The following ZC3H12B variants were observed in gnomAD, a reference collection of about 807,000 sequenced individuals.
ZC3H12B encodes probable ribonuclease ZC3H12B.
A neutral mutation model predicts 43.9 loss-of-function variants in ZC3H12B; 7 were observed. The ratio of observed to expected loss-of-function variants is 0.16; its 90% CI spans 0.09 to 0.30. The LOEUF (loss-of-function observed/expected upper bound fraction) is 0.30. Ranked by LOEUF, ZC3H12B falls within the 10% of genes least tolerant of loss-of-function variation. ZC3H12B has a pLI of 1.00. For synonymous variants in ZC3H12B, 222 were observed against 241.7 expected (o/e 0.92, Z 0.76); for missense variants, 475 against 670.2 (o/e 0.71, Z 3.22).
chrX:65,071,554 T>C, the ZC3H12B span, among the ~76,000 whole-genome samples: 1 of 111,752 alleles, frequency 8.9e-6, no homozygotes, highest in Non-Finnish European at 1.9e-5. Context: ...GTCACTGGTC[T>C]ATGTACTTAA....
the ZC3H12B span, among the ~76,000 whole-genome samples, chrX:65,098,533 C>T: frequency 9.1e-6 from 1 of 109,599 alleles, no homozygotes; most frequent in African/African-American, 3.3e-5. Flanking sequence ...TTCTGCATTT[C>T]CAACTGACGT....
At chrX:65,119,464 G>A in the ZC3H12B span, among the ~76,000 whole-genome samples, 16 of 111,906 alleles carry the variant, frequency 1.4e-4, no homozygotes, top group South Asian at 7.4e-4. Flanking sequence ...AGAAGTGTCC[G>A]TTCATATCCT....
chrX:65,227,182 C>G, the ZC3H12B span, among the ~76,000 whole-genome samples: 1 of 111,781 alleles, frequency 8.9e-6, no homozygotes, highest in African/African-American at 3.3e-5. Flanking sequence ...AACAAAGTGT[C>G]TCTCAGACCA....
At chrX:65,245,283 T>C in the ZC3H12B span, among the ~76,000 whole-genome samples, 1 of 111,528 alleles carries the variant, frequency 9.0e-6, no homozygotes, top group African/African-American at 3.3e-5. Context: ...CCCAGGACCA[T>C]TCCTACTGAA....
At chrX:65,224,029 T>C in the ZC3H12B span, among the ~76,000 whole-genome samples, 1 of 112,056 alleles carries the variant, frequency 8.9e-6, no homozygotes, top group Non-Finnish European at 1.9e-5. Flanking sequence ...CAATTCACAA[T>C]TGCAAAAATA....
At chrX:65,178,797 T>A in the ZC3H12B span, among the ~76,000 whole-genome samples, 3 of 112,106 alleles carry the variant, frequency 2.7e-5, no homozygotes, top group South Asian at 1.1e-3. Context: ...ATAGGAACAC[T>A]TTTACACTGT....
At chrX:65,132,639 C>T in the ZC3H12B span, among the ~76,000 whole-genome samples, 2 of 111,040 alleles carry the variant, frequency 1.8e-5, no homozygotes, top group Non-Finnish European at 3.8e-5. Context: ...GGGAGCTGGA[C>T]AGGTGGGGAT....
At chrX:65,420,445 G>C (rs970469558) in intron 3 of ZC3H12B, among the ~76,000 whole-genome samples, 47 of 112,324 alleles carry the variant, frequency 4.2e-4, no homozygotes, top group African/African-American at 1.5e-3. Flanking sequence ...CCAGAATCTG[G>C]ATGGGCAGAT....
the ZC3H12B span, among the ~76,000 whole-genome samples, chrX:65,229,755 A>G: frequency 1.9e-5 from 2 of 104,151 alleles, no homozygotes; most frequent in South Asian, 9.5e-4. Context: ...AAAAGAAGAC[A>G]TTTATGCAGC....
At chrX:65,388,657 C>A (rs1320042737) in intron 2 of ZC3H12B, among the ~76,000 whole-genome samples, 2 of 112,047 alleles carry the variant, frequency 1.8e-5, no homozygotes, top group Non-Finnish European at 3.8e-5. Context: ...AAGTCATTCT[C>A]CATCCGGGTT....
chrX:65,229,309 G>A, the ZC3H12B span, among the ~76,000 whole-genome samples: 2 of 111,922 alleles, frequency 1.8e-5, no homozygotes, highest in African/African-American at 3.3e-5. Flanking sequence ...ACTAAATGGT[G>A]CTGGGAAAAC....
At chrX:65,333,653 T>G in the ZC3H12B span, among the ~76,000 whole-genome samples, 1 of 111,821 alleles carries the variant, frequency 8.9e-6, no homozygotes, top group Non-Finnish European at 1.9e-5. Context: ...TCCTGTAAGT[T>G]TTTTTCCTCT....
chrX:65,211,851 G>A, the ZC3H12B span, among the ~76,000 whole-genome samples: 9 of 74,492 alleles, frequency 1.2e-4, no homozygotes, highest in East Asian at 4.1e-4. Flanking sequence ...TATAATATAT[G>A]TTATGTATAC....
intron 2 of ZC3H12B, among the ~76,000 whole-genome samples, chrX:65,384,296 A>G (rs2066489446): frequency 9.3e-6 from 1 of 108,086 alleles, no homozygotes; most frequent in Middle Eastern, 4.2e-3. Flanking sequence ...GCATATTCTC[A>G]CTCATAGGTG....
the ZC3H12B span, among the ~76,000 whole-genome samples, chrX:65,035,933 T>G: frequency 8.9e-6 from 1 of 111,848 alleles, no homozygotes; most frequent in Non-Finnish European, 1.9e-5. Flanking sequence ...GGGAAACTGG[T>G]TTTACAAACT....
At chrX:65,274,813 G>A in the ZC3H12B span, among the ~76,000 whole-genome samples, 1 of 111,307 alleles carries the variant, frequency 9.0e-6, no homozygotes, top group African/African-American at 3.3e-5. Flanking sequence ...GTTACCTCTT[G>A]CAGGAAGTCC....
the ZC3H12B span, among the ~76,000 whole-genome samples, chrX:65,125,857 A>T: frequency 9.0e-6 from 1 of 111,132 alleles, no homozygotes; most frequent in South Asian, 3.7e-4. Context: ...GTTTATGTGA[A>T]TTCTTACAGG....
the ZC3H12B span, among the ~76,000 whole-genome samples, chrX:65,224,076 G>A: frequency 8.9e-6 from 1 of 112,539 alleles, no homozygotes; most frequent in African/African-American, 3.2e-5. Context: ...CAATGAAGGT[G>A]TAAAGAAACT....
intron 2 of ZC3H12B, among the ~76,000 whole-genome samples, chrX:65,394,221 A>G (rs1282672777): frequency 1.8e-5 from 2 of 111,884 alleles, no homozygotes; most frequent in Non-Finnish European, 3.8e-5. Context: ...CCCATTTGAC[A>G]ATTTTGGCTT....
Sources: allele counts gnomAD v4.1 joint callset (sites outside exome capture counted in the v4.1 genomes callset), GRCh38; gene constraint gnomAD v4.1.1; transcripts MANE v1.5; gene names NCBI Gene and HGNC (gene_info 2026-07-23, HGNC 2026-07-21).